ZNF260: variants seen among roughly 807,000 people sequenced by gnomAD.
ZNF260 encodes the protein zfp-260.
Under a neutral mutation model 29.3 loss-of-function variants are expected in ZNF260, and 21 were observed. That is an observed-to-expected ratio of 0.72 (90% confidence interval 0.51 to 1.03). The LOEUF is 1.03. Ranked by LOEUF, ZNF260 falls within the 50% of genes least tolerant of loss-of-function variation. The probability of loss-of-function intolerance (pLI) is 0.00; values close to 1 mark genes in which losing one functional copy is unlikely to be tolerated. For synonymous variants in ZNF260, 156 were observed against 156.8 expected, an observed-to-expected ratio of 0.99 and a Z score of 0.04; for missense variants, 465 against 487.8, an observed-to-expected ratio of 0.95 and a Z score of 0.44.
chr19:36,520,859 CAAAAAAAAAAAA>C (rs35180207), intron 2 of ZNF260, among the ~76,000 whole-genome samples: 2 of 65,916 alleles, frequency 3.0e-5, no homozygotes, highest in Admixed American at 1.8e-4. Flanking sequence ...GATTCCGTCT[CAAAAAAAAAAAA>C]AAAAAAAAAG....
rs1374466452 is a variant in ZNF260 at position 36,511,897 on chromosome 19, T to C, written c.*2103A>G. The C allele has an allele frequency of 1.3e-5, 2 of 152,162 alleles. No individual in the cohort carries two copies. The highest frequency in any genetic ancestry group is 2.4e-5 in the African/African-American group (1 of 41,432). The allele number at this position is 152,162 out of a possible 1,614,324, so 9.4% of individuals were successfully genotyped here. A position where few individuals can be genotyped will look rare whatever the true frequency, so the allele number is the denominator to read the frequency against. On this transcript the variant is annotated 3_prime_UTR_variant, in exon 3 of 3. Transcript: ENST00000523638. ...GAAGCTGAAATCCAGGAGTTAATGTTTTCCTCAATGGCTTATAAAAAAATT... is the reference window on the plus strand; with the variant it reads ...GAAGCTGAAATCCAGGAGTTAATGTCTTCCTCAATGGCTTATAAAAAAATT...
In ZNF260 at chr19:36,525,230, T is replaced by C. The variant is rs2034714668; in HGVS notation, c.-537A>G. 6.6e-6 allele frequency: 1 copy of C among 152,208 alleles called. No individual in the cohort carries two copies. Among genetic ancestry groups the C allele is most frequent in the African/African-American group, 2.4e-5 (1 of 41,452 alleles). 9.4% of individuals were successfully genotyped at this position (152,208 alleles called of 1,614,324 possible). On this transcript the variant is annotated 5_prime_UTR_variant, in exon 2 of 3. Coordinates refer to ENST00000523638, the MANE Select transcript of ZNF260 (RefSeq NM_001166037.2). ...AATCATCTGTTGCTGTTCTTTTAAG[T>C]GCTGACTTTAAACTTGTGAGCAGAA...
At chr19:36,528,196 C>CACAGGGCCGAAACCCAAGTCCT (rs1336687619) in intron 1 of ZNF260, 23 bp downstream of exon 1, 4 of 152,518 alleles carry the variant, frequency 2.6e-5, no homozygotes, top group Non-Finnish European at 4.4e-5. Flanking sequence ...ACCCAAGTCC[C>CACAGGGCCGAAACCCAAGTCCT]ACAGGGCCGA....
rs1205257914 is a variant in ZNF260, at chr19:36,514,302, A to C, written c.937T>G (p.Phe313Val). 6.2e-7 allele frequency: 1 copy of C among 1,614,024 alleles called. No individual in the cohort carries two copies. The highest frequency in any genetic ancestry group is 1.3e-5 in the African/African-American group (1 of 74,942). Residue 313 changes from phenylalanine to valine, a missense_variant, in exon 3 of 3, where the codon TTC becomes GTC. Physicochemically the swap from Phe to Val is conservative, Grantham distance 50. Coordinates refer to ENST00000523638, the MANE Select transcript of ZNF260 (RefSeq NM_001166037.2). The stretch of plus-strand genomic sequence containing the variant: ...ACAATAAGTGATGTGATTCGAGAGA[A>C]GGCTTTTCCACATTTATTACATTCA... ...PYECNKCGKA[F>V]SRITSLIVHV...
At chr19:36,515,863 T>C (rs1295088788) in intron 2 of ZNF260, among the ~76,000 whole-genome samples, 164 bp from the exon 3 acceptor site, 1 of 152,148 alleles carries the variant, frequency 6.6e-6, no homozygotes, top group Non-Finnish European at 1.5e-5. Context: ...AATGTATTAC[T>C]GTAAAATAGA....
chr19:36,520,859 C>CAAAA (rs35180207), intron 2 of ZNF260, among the ~76,000 whole-genome samples: 35 of 65,880 alleles, frequency 5.3e-4, no homozygotes, highest in South Asian at 2.4e-3. Flanking sequence ...GATTCCGTCT[C>CAAAA]AAAAAAAAAA....
intron 2 of ZNF260, among the ~76,000 whole-genome samples, chr19:36,519,155 A>G (rs2145747804): frequency 1.3e-5 from 2 of 152,378 alleles, no homozygotes; most frequent in East Asian, 3.8e-4. Flanking sequence ...ACCATAAGTT[A>G]CTTCCAACTT....
At chr19:36,522,471 TAAATA>T (rs2034662513) in intron 2 of ZNF260, among the ~76,000 whole-genome samples, 1 of 151,592 alleles carries the variant, frequency 6.6e-6, no homozygotes, top group African/African-American at 2.4e-5. Context: ...AATAAATAAA[TAAATA>T]AAATAAAAAA....
At chr19:36,521,345 C>T (rs1350678333) in intron 2 of ZNF260, among the ~76,000 whole-genome samples, 2 of 152,224 alleles carry the variant, frequency 1.3e-5, no homozygotes, top group Non-Finnish European at 2.9e-5. Context: ...ATCCTTCACA[C>T]ACTTATCAGA....
At chr19:36,527,580 T>C (rs1043408328) in intron 1 of ZNF260, among the ~76,000 whole-genome samples, 9 of 152,288 alleles carry the variant, frequency 5.9e-5, no homozygotes, top group Non-Finnish European at 1.0e-4. Context: ...GACAAGTAGC[T>C]TCCAAATTCT....
At position 36,513,452 on chromosome 19, in the gene ZNF260, CAATT is replaced by C; in HGVS notation, c.*544_*547del. The stretch of plus-strand genomic sequence containing the variant: ...GATATTATTTTTCCATATGAAGAGT[CAATT>C]AATTTTTAAGTAATCCATGATTTCC... On this transcript the variant is annotated 3_prime_UTR_variant, in exon 3 of 3. Transcript: ENST00000523638. 1 of 306,478 alleles carries C rather than the reference CAATT, an allele frequency of 3.3e-6. No homozygotes were observed. The highest frequency in any genetic ancestry group is 5.9e-6 in the Non-Finnish European group (1 of 169,582). The allele number at this position is 306,478 out of a possible 1,614,324, so 19.0% of individuals were successfully genotyped here. A position where few individuals can be genotyped will look rare whatever the true frequency, so the allele number is the denominator to read the frequency against.
intron 2 of ZNF260, among the ~76,000 whole-genome samples, chr19:36,523,064 T>C (rs923539106): frequency 5.9e-5 from 9 of 152,240 alleles, no homozygotes; most frequent in African/African-American, 1.7e-4. Flanking sequence ...GGATGTCTAA[T>C]AGTGATCTAA....
chr19:36,513,912 A>T lies in ZNF260; in HGVS notation c.*88T>A. The T allele has an allele frequency of 7.1e-7, 1 of 1,404,594 alleles. No individual in the cohort carries two copies. Among genetic ancestry groups the T allele is most frequent in the Non-Finnish European group, 9.7e-7 (1 of 1,032,966 alleles). 87.0% of individuals were successfully genotyped at this position (1,404,594 alleles called of 1,614,324 possible). A position where few individuals can be genotyped will look rare whatever the true frequency, so the allele number is the denominator to read the frequency against. On this transcript the variant is annotated 3_prime_UTR_variant, in exon 3 of 3. Coordinates refer to ENST00000523638, the MANE Select transcript of ZNF260 (RefSeq NM_001166037.2). The stretch of plus-strand genomic sequence containing the variant: ...CTGAAGGACTTCCCACATTCATGTC[A>T]CTTTAATGTAAAATGAATTTTCCAA...
At chr19:36,522,412 C>T (rs1464900341) in intron 2 of ZNF260, among the ~76,000 whole-genome samples, 3 of 152,000 alleles carry the variant, frequency 2.0e-5, no homozygotes, top group Non-Finnish European at 4.4e-5. Flanking sequence ...GCCGAGATCA[C>T]ACCATTGCAC....
chr19:36,513,860 T>G lies in ZNF260; in HGVS notation c.*140A>C. 1.1e-6 allele frequency: 1 copy of G among 873,358 alleles called. No individual in the cohort carries two copies. The highest frequency in any genetic ancestry group is 2.6e-5 in the East Asian group (1 of 38,196). The allele number at this position is 873,358 out of a possible 1,614,324, so 54.1% of individuals were successfully genotyped here. ...TTTACACTATAATACTTATTAAACA[T>G]CATAGTATTTAAGTTTTGAATTGCT... On this transcript the variant is annotated 3_prime_UTR_variant, in exon 3 of 3. Transcript: ENST00000523638.
In ZNF260 at chr19:36,513,018, TGAGA is replaced by T. The variant is rs1382946013; in HGVS notation, c.*978_*981del. 6.6e-6 allele frequency: 1 copy of T among 152,212 alleles called. No homozygotes were observed. Among genetic ancestry groups the T allele is most frequent in the Non-Finnish European group, 1.5e-5 (1 of 68,036 alleles). 9.4% of individuals were successfully genotyped at this position (152,212 alleles called of 1,614,324 possible). A position where few individuals can be genotyped will look rare whatever the true frequency, so the allele number is the denominator to read the frequency against. ...TTGAGAACAGTACAATAAGGTATTCTGAGAGAAAGATCATATTCACATAACTTTT... is the reference window on the plus strand; with the variant it reads ...TTGAGAACAGTACAATAAGGTATTCTGAAAGATCATATTCACATAACTTTT... On this transcript the variant is annotated 3_prime_UTR_variant, in exon 3 of 3. Coordinates refer to ENST00000523638, the MANE Select transcript of ZNF260 (RefSeq NM_001166037.2).
At position 36,512,947 on chromosome 19, in the gene ZNF260, C is replaced by G. The variant is rs1364219379; in HGVS notation, c.*1053G>C. 6.6e-6 allele frequency: 1 copy of G among 152,162 alleles called. No individual in the cohort carries two copies. Among genetic ancestry groups the G allele is most frequent in the Non-Finnish European group, 1.5e-5 (1 of 68,034 alleles). The allele number at this position is 152,162 out of a possible 1,614,324, so 9.4% of individuals were successfully genotyped here. A position where few individuals can be genotyped will look rare whatever the true frequency, so the allele number is the denominator to read the frequency against. ...TAGTTCCCCCTTATCCACAGCTTTG[C>G]TTTCCATGGTTTCAGTTACCTGTAG... On this transcript the variant is annotated 3_prime_UTR_variant, in exon 3 of 3. Coordinates refer to ENST00000523638, the MANE Select transcript of ZNF260 (RefSeq NM_001166037.2).
intron 2 of ZNF260, among the ~76,000 whole-genome samples, chr19:36,524,804 G>C (rs922623266): frequency 6.6e-6 from 1 of 151,978 alleles, no homozygotes; most frequent in Non-Finnish European, 1.5e-5. Context: ...AGGGAAAAGT[G>C]AAAAATGGAG....
intron 2 of ZNF260, among the ~76,000 whole-genome samples, chr19:36,520,022 A>G (rs2034615485): frequency 6.6e-6 from 1 of 151,880 alleles, no homozygotes; most frequent in South Asian, 2.1e-4. Flanking sequence ...CAACATGGAG[A>G]AACCCCATCT....
Sources: allele counts gnomAD v4.1 joint callset (sites outside exome capture counted in the v4.1 genomes callset), GRCh38; gene constraint gnomAD v4.1.1; transcripts MANE v1.5; gene names NCBI Gene and HGNC (gene_info 2026-07-23, HGNC 2026-07-21).